The following ESR1 variants were observed in gnomAD, a reference collection of about 807,000 sequenced individuals.
The protein encoded by ESR1 is estrogen receptor 1.
A neutral mutation model predicts 52.7 loss-of-function variants in ESR1; 12 were observed. The ratio of observed to expected loss-of-function variants is 0.23; its 90% CI spans 0.15 to 0.37. ESR1 has a LOEUF of 0.37. Among genes scored for constraint, ESR1 ranks in the 10% least tolerant of loss-of-function variants. ESR1 has a pLI of 1.00. For synonymous variants in ESR1, 305 were observed against 316.8 expected (o/e 0.96, Z 0.39); for missense variants, 584 against 779.7 (o/e 0.75, Z 2.99).
At chr6:151,663,023 A>G (rs985229878) in intron 1 of ESR1, among the ~76,000 whole-genome samples, 14 of 151,866 alleles carry the variant, frequency 9.2e-5, no homozygotes, top group African/African-American at 3.1e-4. Context: ...TATCTGTGTC[A>G]TTATTCTAGT....
intron 2 of ESR1, among the ~76,000 whole-genome samples, chr6:151,735,598 CA>C (rs1320777596): frequency 5.9e-5 from 9 of 151,650 alleles, no homozygotes; most frequent in African/African-American, 2.2e-4. Context: ...TTTAGGGGTA[CA>C]AGTGGCTTTT....
At chr6:151,664,528 T>C (rs1777751414) in intron 1 of ESR1, among the ~76,000 whole-genome samples, 1 of 152,188 alleles carries the variant, frequency 6.6e-6, no homozygotes, top group Non-Finnish European at 1.5e-5. Flanking sequence ...CAGACACAGA[T>C]ATATCGACAG....
chr6:151,890,237 G>A (rs927975913), intron 3 of ESR1, among the ~76,000 whole-genome samples: 13 of 151,764 alleles, frequency 8.6e-5, no homozygotes, highest in South Asian at 2.1e-4. Context: ...GGAGCACACC[G>A]CCATGCCTGG....
intron 4 of ESR1, among the ~76,000 whole-genome samples, chr6:151,981,443 G>A (rs726281): frequency 0.57 from 86,048 of 152,096 alleles, 28,417 homozygotes; most frequent in Middle Eastern, 0.77. Context: ...TGTTCTTAGA[G>A]TAAATGACAA....
chr6:151,855,150 G>C (rs774297509), intron 2 of ESR1, among the ~76,000 whole-genome samples: 1 of 152,212 alleles, frequency 6.6e-6, no homozygotes, highest in Non-Finnish European at 1.5e-5. Flanking sequence ...CTGACCTCAA[G>C]TGGTCCTCCT....
intron 6 of ESR1, chr6:152,122,232 T>C: frequency 1.3e-6 from 1 of 763,660 alleles, no homozygotes; most frequent in Non-Finnish European, 2.1e-6. Context: ...TTCCAAACCT[T>C]CTTGTTGTCT....
intron 2 of ESR1, among the ~76,000 whole-genome samples, chr6:151,730,334 C>T (rs1021676260): frequency 6.6e-6 from 1 of 152,050 alleles, no homozygotes; most frequent in Non-Finnish European, 1.5e-5. Context: ...TTGAGGGGAA[C>T]TCCCTGCCTC....
Position 151,939,615 on chromosome 6 carries a change from A to G in ESR1, c.761-4558A>G, listed in dbSNP as rs180819616. Among the ~76,000 whole-genome samples the G allele has an allele frequency of 3.3e-3, 506 of 152,080 alleles. 2 individuals are homozygous for G. The highest frequency in any genetic ancestry group is 0.012 in the African/African-American group (484 of 41,478). ...CTTTTTTTTTTACCTTCTTCCACTC[A>G]ATTCTAGTTAGATATTTTTGAACTT... On this transcript the variant is annotated intron_variant, in intron 3 of 7. Transcript: ENST00000206249.
chr6:151,685,628 G>C (rs1194330246), upstream of ESR1, among the ~76,000 whole-genome samples: 2 of 152,228 alleles, frequency 1.3e-5, no homozygotes, highest in Non-Finnish European at 2.9e-5. Flanking sequence ...GGAGAAGACT[G>C]AGGGGCAGAT....
intron 1 of ESR1, among the ~76,000 whole-genome samples, chr6:151,810,858 A>G (rs927630221): frequency 1.3e-5 from 2 of 152,274 alleles, no homozygotes; most frequent in African/African-American, 2.4e-5. Context: ...TCAGTAGAAA[A>G]CAAAAAATTC....
chr6:152,024,033 G>T (rs1308944349), intron 5 of ESR1, among the ~76,000 whole-genome samples: 1 of 151,962 alleles, frequency 6.6e-6, no homozygotes, highest in East Asian at 1.9e-4. Context: ...ACATGTTAGG[G>T]GTCAATTTGG....
chr6:151,827,782 G>A (rs971108226), intron 1 of ESR1, among the ~76,000 whole-genome samples: 6 of 152,216 alleles, frequency 3.9e-5, no homozygotes, highest in African/African-American at 1.4e-4. Flanking sequence ...TGAGAGAGGA[G>A]TCAAGTATTG....
At chr6:151,925,124 T>TTTTTTTTTGTTTGTTTG (rs1554285729) in intron 3 of ESR1, among the ~76,000 whole-genome samples, 5,313 of 150,690 alleles carry the variant, frequency 0.035, 288 homozygotes, top group African/African-American at 0.12. Context: ...CAGCATCTGG[T>TTTTTTTTTGTTTGTTTG]TTTTTTTGTT....
intron 1 of ESR1, among the ~76,000 whole-genome samples, chr6:151,678,774 C>T (rs997627453): frequency 4.0e-5 from 6 of 151,742 alleles, no homozygotes; most frequent in Non-Finnish European, 8.8e-5. Context: ...GCAACCTCCA[C>T]CTCCTGGGTT....
chr6:151,796,110 G>T (rs1776677742), intron 2 of ESR1, among the ~76,000 whole-genome samples: 1 of 151,070 alleles, frequency 6.6e-6, no homozygotes, highest in Non-Finnish European at 1.5e-5. Context: ...AGCTTGCAGT[G>T]AGCCGAGATT....
rs751889806 is a variant in ESR1 at position 151,664,846 on chromosome 6, GTTC to G, written n.73+8090_73+8092del. Among the ~76,000 whole-genome samples, 90 of 152,244 alleles carry G rather than the reference GTTC, an allele frequency of 5.9e-4. 1 individual carries two copies. Among genetic ancestry groups the G allele is most frequent in the Non-Finnish European group, 1.6e-4 (11 of 67,990 alleles). The stretch of plus-strand genomic sequence containing the variant: ...CTTTTAAGCACCTCTAAAAGAACTT[GTTC>G]TTCTTCCTGAATTGAGAACGAGGTA... On this transcript the variant is annotated intron_variant and non_coding_transcript_variant, in intron 1 of 2. Transcript: ENST00000473497.
At chr6:151,853,617 TG>T (rs1787292940) in intron 2 of ESR1, among the ~76,000 whole-genome samples, 1 of 152,218 alleles carries the variant, frequency 6.6e-6, no homozygotes, top group African/African-American at 2.4e-5. Flanking sequence ...GCAGCTTTTG[TG>T]GACACAGCTG....
chr6:152,024,438 A>T (rs1237176361), intron 5 of ESR1, among the ~76,000 whole-genome samples: 1 of 151,826 alleles, frequency 6.6e-6, no homozygotes, highest in Admixed American at 6.6e-5. Flanking sequence ...TTTTATTGAA[A>T]TTATGTAAAA....
chr6:151,824,194 G>A (rs1484052957), intron 1 of ESR1, among the ~76,000 whole-genome samples: 1 of 152,128 alleles, frequency 6.6e-6, no homozygotes, highest in Non-Finnish European at 1.5e-5. Flanking sequence ...TCTCATTGTG[G>A]TTTTGATTTG....
Sources: allele counts gnomAD v4.1 joint callset (sites outside exome capture counted in the v4.1 genomes callset), GRCh38; gene constraint gnomAD v4.1.1; transcripts MANE v1.5; gene names NCBI Gene and HGNC (gene_info 2026-07-23, HGNC 2026-07-21).